GBX1: variants seen among roughly 807,000 people sequenced by gnomAD.
The protein encoded by GBX1 is homeobox protein GBX-1.
GBX1 carries 9 observed loss-of-function variants against 22.9 expected under a neutral mutation model. That is an observed-to-expected ratio of 0.39 (90% CI 0.24 to 0.69). The LOEUF (loss-of-function observed/expected upper bound fraction) is 0.69. GBX1 is among the 30% of genes least tolerant of loss of function. The probability of loss-of-function intolerance (pLI) is 0.43; values close to 1 mark genes in which losing one functional copy is unlikely to be tolerated. For missense variants in GBX1, 494 were observed against 509.2 expected, an observed-to-expected ratio of 0.97 and a Z score of 0.29; for synonymous variants, 203 against 227.3, an observed-to-expected ratio of 0.89 and a Z score of 0.96.
At chr7:151,165,238 T>A (rs989628103) in intron 1 of GBX1, among the ~76,000 whole-genome samples, 1 of 152,228 alleles carries the variant, frequency 6.6e-6, no homozygotes, top group Non-Finnish European at 1.5e-5. Flanking sequence ...ATAGCCAATA[T>A]ACTATATGAT....
In GBX1 at chr7:151,154,266, C is replaced by T. The variant is rs57186629; in HGVS notation, c.539-5124G>A. On this transcript the variant is annotated intron_variant, in intron 1 of 1. Transcript: ENST00000297537. ...ATAATTGGTTGGTATGAACAAAAAA[C>T]GATAAATAAATAAGAATTAAAAATG... Among the ~76,000 whole-genome samples the T allele has an allele frequency of 1.5e-4, 23 of 151,476 alleles. No individual in the cohort carries two copies. In the East Asian group the frequency reaches 3.1e-3, roughly 20 times the overall value.
At chr7:151,155,312 C>T (rs770383584) in intron 1 of GBX1, among the ~76,000 whole-genome samples, 1 of 152,108 alleles carries the variant, frequency 6.6e-6, no homozygotes, top group African/African-American at 2.4e-5. Context: ...CAGGTCATTC[C>T]TCAAAAAAGA....
At chr7:151,165,110 C>T (rs1801235009) in intron 1 of GBX1, among the ~76,000 whole-genome samples, 1 of 152,162 alleles carries the variant, frequency 6.6e-6, no homozygotes, top group Non-Finnish European at 1.5e-5. Context: ...TCTTCATGTT[C>T]TCTTTGTATA....
chr7:151,167,151 G>GC lies in GBX1; in HGVS notation c.397dup (p.Ala133GlyfsTer19). 6.3e-7 allele frequency: 1 copy of GC among 1,597,580 alleles called. No homozygotes were observed. The highest frequency in any genetic ancestry group is 8.5e-7 in the Non-Finnish European group (1 of 1,174,240). ...GCCGCCTGGCTCGGGGTTGTTTCGG[G>GC]CGGCAGTGGCGGCGGCGGCGGCAGC... On this transcript the variant is annotated frameshift_variant, in exon 1 of 2. Transcript: ENST00000297537. LOFTEE classifies it high-confidence loss of function. The surrounding 1 kb of genome is among the most constrained non-coding windows in gnomAD (Gnocchi z 5.9).
rs558744648 is a variant in GBX1, at chr7:151,167,417, G to T, written c.132C>A (p.Thr44=). ...PPPRSGHLLY[T]GYPMFMPYRP... is the part of the protein sequence containing the mutation. ...GGTAGGGCATGAACATGGGGTAGCC[G>T]GTGTACAGCAAGTGGCCGGAGCGCG... Residue 44 remains threonine (T), a synonymous_variant, in exon 1 of 2, where the codon ACC becomes ACA. Transcript: ENST00000297537. The surrounding 1 kb of genome is among the most constrained non-coding windows in gnomAD (Gnocchi z 5.9). The T allele has an allele frequency of 1.3e-6, 2 of 1,520,056 alleles. No individual in the cohort carries two copies. Among genetic ancestry groups the T allele is most frequent in the South Asian group, 1.2e-5 (1 of 81,066 alleles). 94.2% of individuals were successfully genotyped at this position (1,520,056 alleles called of 1,614,324 possible). A position where few individuals can be genotyped will look rare whatever the true frequency, so the allele number is the denominator to read the frequency against.
At chr7:151,157,256 AC>A (rs1463873429) in intron 1 of GBX1, among the ~76,000 whole-genome samples, 2 of 152,160 alleles carry the variant, frequency 1.3e-5, no homozygotes, top group African/African-American at 4.8e-5. Context: ...AGATCGCGCC[AC>A]TGCACTCCAG....
At chr7:151,150,440 C>T (rs1801064268) in intron 1 of GBX1, among the ~76,000 whole-genome samples, 2 of 152,214 alleles carry the variant, frequency 1.3e-5, no homozygotes, top group South Asian at 2.1e-4. Context: ...TGTAGGAATG[C>T]ATCTCCCTGT....
In GBX1 at chr7:151,149,000, C is replaced by T; in HGVS notation, c.681G>A (p.Gly227=). 6.2e-7 allele frequency: 1 copy of T among 1,613,794 alleles called. No individual in the cohort carries two copies. The highest frequency in any genetic ancestry group is 8.5e-7 in the Non-Finnish European group (1 of 1,179,966). Residue 227 remains glycine, a synonymous_variant, in exon 2 of 2, where the codon GGG becomes GGA. Coordinates refer to ENST00000297537, the MANE Select transcript of GBX1 (RefSeq NM_001098834.3). The surrounding 1 kb of genome is among the most constrained non-coding windows in gnomAD (Gnocchi z 5.1). ...GCTTCGGTTTAGGTCCCAGAAGAGCCCCTGGGCCCCCTGCAGAACTGTCCA... is the reference window on the plus strand; with the variant it reads ...GCTTCGGTTTAGGTCCCAGAAGAGCTCCTGGGCCCCCTGCAGAACTGTCCA... ...GFLDSSAGGP[G]ALLGPKPKLK...
chr7:151,151,974 T>C (rs1801084581), intron 1 of GBX1, among the ~76,000 whole-genome samples: 1 of 152,228 alleles, frequency 6.6e-6, no homozygotes, highest in Non-Finnish European at 1.5e-5. Flanking sequence ...TCTGATACTC[T>C]CTATGTCCTT....
Position 151,161,515 on chromosome 7 carries a change from A to G in GBX1, c.538+5496T>C, listed in dbSNP as rs146341326. 7.7e-3 allele frequency among the ~76,000 whole-genome samples: 1,172 copies of G among 152,326 alleles called. 10 individuals are homozygous for G. Among genetic ancestry groups the G allele is most frequent in the African/African-American group, 0.027 (1,131 of 41,568 alleles). On this transcript the variant is annotated intron_variant, in intron 1 of 1. Coordinates refer to ENST00000297537, the MANE Select transcript of GBX1 (RefSeq NM_001098834.3). ...TGTCAGTCTGGTAAAGCCTATGAAC[A>G]CTTTCTAGAATAATGCTTTTAGACA...
At chr7:151,162,618 A>G (rs1031625550) in intron 1 of GBX1, among the ~76,000 whole-genome samples, 1 of 152,190 alleles carries the variant, frequency 6.6e-6, no homozygotes, top group Non-Finnish European at 1.5e-5. Context: ...TTTCTTCACT[A>G]TGCCCAATAC....
intron 1 of GBX1, among the ~76,000 whole-genome samples, chr7:151,161,226 A>G (rs904303078): frequency 9.2e-5 from 14 of 152,244 alleles, no homozygotes; most frequent in African/African-American, 3.4e-4. Flanking sequence ...ACCTCTCTGC[A>G]TTATTCCCAG....
Position 151,148,983 on chromosome 7 carries a change from T to G in GBX1, c.698A>C (p.Lys233Thr), listed in dbSNP as rs564806375. The change falls in exon 2 of 2, where the codon AAA (lysine) becomes ACA (threonine). Residue 233 changes from lysine to threonine, a missense_variant. Physicochemically the swap from Lys to Thr is moderately conservative, Grantham distance 78. Around this residue, in one of 3 missense-constraint regions of GBX1, gnomAD observed 365 missense variants for 340.4 expected, o/e 1.07. Transcript: ENST00000297537. The surrounding 1 kb of genome is among the most constrained non-coding windows in gnomAD (Gnocchi z 5.1). ...AGGPGALLGPKPKLKGSLGTG... is the reference protein window; with the variant it reads ...AGGPGALLGPTPKLKGSLGTG... ...CCCCAGGCTTCCCTTTAGCTTCGGTTTAGGTCCCAGAAGAGCCCCTGGGCC... is the reference window on the plus strand; with the variant it reads ...CCCCAGGCTTCCCTTTAGCTTCGGTGTAGGTCCCAGAAGAGCCCCTGGGCC... The G allele has an allele frequency of 5.8e-5, 93 of 1,613,890 alleles. No individual in the cohort carries two copies. The South Asian group carries it at 1.0e-3, about 18-fold the overall frequency.
chr7:151,156,463 C>A (rs1045845123), intron 1 of GBX1, among the ~76,000 whole-genome samples: 2 of 141,240 alleles, frequency 1.4e-5, no homozygotes, highest in Non-Finnish European at 3.1e-5. Context: ...CTTTCACTTA[C>A]TACCACAGAG....
At position 151,167,444 on chromosome 7, in the gene GBX1, C is replaced by A; in HGVS notation, c.105G>T (p.Pro35=). The A allele has an allele frequency of 1.3e-6, 2 of 1,516,030 alleles. No homozygotes were observed. The highest frequency in any genetic ancestry group is 2.1e-5 in the Admixed American group (1 of 48,082). The allele number at this position is 1,516,030 out of a possible 1,614,324, so 93.9% of individuals were successfully genotyped here. The change falls in exon 1 of 2, where the codon CCG becomes CCT. Residue 35 remains proline (P), a synonymous_variant. Coordinates refer to ENST00000297537, the MANE Select transcript of GBX1 (RefSeq NM_001098834.3). The surrounding 1 kb of genome is among the most constrained non-coding windows in gnomAD (Gnocchi z 5.9). The part of the protein sequence containing the change: ...FSIDSLIGPP[P]PRSGHLLYTG... ...TGTACAGCAAGTGGCCGGAGCGCGG[C>A]GGCGGCGGCCCGATTAGGGAGTCGA...
chr7:151,159,659 G>A (rs1270875576), intron 1 of GBX1, among the ~76,000 whole-genome samples: 17 of 152,184 alleles, frequency 1.1e-4, no homozygotes, highest in Admixed American at 1.1e-3. Context: ...TTACAGGTAT[G>A]AGCCACCATA....
At chr7:151,149,909 C>T (rs1801059030) in intron 1 of GBX1, 2 of 456,058 alleles carry the variant, frequency 4.4e-6, no homozygotes, top group Non-Finnish European at 4.4e-6. Context: ...ATGAAACCAT[C>T]TCTTTCCCAC....
At position 151,167,100 on chromosome 7, in the gene GBX1, G is replaced by T; in HGVS notation, c.449C>A (p.Ala150Asp). The T allele has an allele frequency of 6.2e-7, 1 of 1,604,174 alleles. No individual in the cohort carries two copies. ...CTCCCGGGCCGGCAGCAGCTCATCAGCTTCCAGCCCACCCTCTGGGCGTCG... is the reference window on the plus strand; with the variant it reads ...CTCCCGGGCCGGCAGCAGCTCATCATCTTCCAGCCCACCCTCTGGGCGTCG... Reference protein sequence around the residue: ...GGRRPEGGLEADELLPAREKV... With the variant: ...GGRRPEGGLEDDELLPAREKV... Residue 150 changes from alanine to aspartate, a missense_variant, in exon 1 of 2, where the codon GCT (alanine) becomes GAT (aspartate). This residue lies in a region of GBX1 where 365 missense variants were observed against 340.4 expected (regional missense o/e 1.07). Coordinates refer to ENST00000297537, the MANE Select transcript of GBX1 (RefSeq NM_001098834.3). This position sits in a 1 kb window ranked among gnomAD's most constrained non-coding sequence, Gnocchi z 5.9.
At chr7:151,161,770 G>C (rs1212661184) in intron 1 of GBX1, among the ~76,000 whole-genome samples, 2 of 152,126 alleles carry the variant, frequency 1.3e-5, no homozygotes, top group African/African-American at 4.8e-5. Context: ...AAAAAATAAA[G>C]GTATAAATTT....
Sources: allele counts gnomAD v4.1 joint callset (sites outside exome capture counted in the v4.1 genomes callset), GRCh38; gene constraint gnomAD v4.1.1; regional missense constraint gnomAD v4.1.1; non-coding constraint Gnocchi (gnomAD v3.1); transcripts MANE v1.5; gene names NCBI Gene and HGNC (gene_info 2026-07-23, HGNC 2026-07-21).